The following TMEM144 variants were observed in gnomAD, a reference collection of about 807,000 sequenced individuals.
TMEM144 encodes the protein transmembrane protein 144.
A neutral mutation model predicts 43.6 loss-of-function variants in TMEM144; 39 were observed. The ratio of observed to expected loss-of-function variants is 0.90; its 90% CI spans 0.69 to 1.17. TMEM144 has a LOEUF of 1.17. Among genes scored for constraint, TMEM144 ranks in the 50% most tolerant of loss-of-function variants. The pLI, the probability that TMEM144 is intolerant of heterozygous loss-of-function variation, is 0.00. For synonymous variants in TMEM144, 154 were observed against 133.6 expected (o/e 1.15, Z -1.06); for missense variants, 417 against 411.9 (o/e 1.01, Z -0.11).
intron 4 of TMEM144, among the ~76,000 whole-genome samples, chr4:158,215,837 CA>C (rs1734194469): frequency 6.6e-6 from 1 of 152,136 alleles, no homozygotes; most frequent in African/African-American, 2.4e-5. Context: ...CTTGGCCAAT[CA>C]AGAAATGTTT....
At chr4:158,241,229 C>T (rs996523784) in intron 10 of TMEM144, among the ~76,000 whole-genome samples, 6 of 151,958 alleles carry the variant, frequency 3.9e-5, no homozygotes, top group Non-Finnish European at 7.4e-5. Flanking sequence ...CAGTATGTCC[C>T]CTAGTCCCCT....
chr4:158,239,249 A>T (rs1426897605), intron 9 of TMEM144, among the ~76,000 whole-genome samples: 1 of 152,218 alleles, frequency 6.6e-6, no homozygotes, highest in African/African-American at 2.4e-5. Context: ...GCAACAGACA[A>T]ACTCTCTGTC....
At chr4:158,246,720 A>T (rs1735909221) in intron 12 of TMEM144, among the ~76,000 whole-genome samples, 1 of 152,056 alleles carries the variant, frequency 6.6e-6, no homozygotes, top group African/African-American at 2.4e-5. Flanking sequence ...ACAAAAAAAG[A>T]TTTATTTATA....
intron 11 of TMEM144, among the ~76,000 whole-genome samples, chr4:158,243,546 G>A (rs1311381400): frequency 2.0e-5 from 3 of 152,042 alleles, no homozygotes; most frequent in East Asian, 1.9e-4. Context: ...CACCTAGCCC[G>A]CATTCCAATT....
intron 6 of TMEM144, among the ~76,000 whole-genome samples, chr4:158,229,791 G>A (rs1049144687): frequency 1.3e-5 from 2 of 152,222 alleles, no homozygotes; most frequent in Non-Finnish European, 2.9e-5. Context: ...GCCACAGACA[G>A]TGTGTTGGGC....
chr4:158,252,733 A>G (rs192662062), intron 12 of TMEM144, among the ~76,000 whole-genome samples: 18 of 150,532 alleles, frequency 1.2e-4, no homozygotes, highest in Admixed American at 8.0e-4. Flanking sequence ...ACCTGAACCC[A>G]GGAGGCGGAG....
intron 3 of TMEM144, 89 bp downstream of exon 3, chr4:158,212,865 A>G: frequency 9.6e-7 from 1 of 1,038,096 alleles, no homozygotes; most frequent in Non-Finnish European, 1.5e-6. Flanking sequence ...CTACAAAAAT[A>G]AATCATGTTG....
At chr4:158,223,044 CCTTA>C (rs1734583936) in intron 6 of TMEM144, among the ~76,000 whole-genome samples, 1 of 152,176 alleles carries the variant, frequency 6.6e-6, no homozygotes, top group Admixed American at 6.5e-5. Context: ...ATCACCTTCT[CCTTA>C]CTTACTGCCA....
intron 8 of TMEM144, among the ~76,000 whole-genome samples, chr4:158,236,778 C>T (rs1055436163): frequency 2.0e-5 from 3 of 151,856 alleles, no homozygotes; most frequent in African/African-American, 4.8e-5. Flanking sequence ...AAAGCCACCA[C>T]GCCTGGCCTG....
chr4:158,221,205 G>T (rs995735345), intron 6 of TMEM144, among the ~76,000 whole-genome samples: 1 of 152,072 alleles, frequency 6.6e-6, no homozygotes, highest in African/African-American at 2.4e-5. Context: ...AACAGGAGAG[G>T]ATTTAACACA....
chr4:158,248,754 C>A (rs968846539), intron 12 of TMEM144, among the ~76,000 whole-genome samples: 15 of 152,144 alleles, frequency 9.9e-5, no homozygotes, highest in Admixed American at 8.5e-4. Flanking sequence ...TAAAGCAGTC[C>A]TTGAAGACGC....
intron 11 of TMEM144, among the ~76,000 whole-genome samples, chr4:158,242,671 A>G (rs1735688223): frequency 6.6e-6 from 1 of 152,164 alleles, no homozygotes; most frequent in Non-Finnish European, 1.5e-5. Context: ...AAAAGCTAAA[A>G]AAAAAGAAAG....
intron 10 of TMEM144, among the ~76,000 whole-genome samples, chr4:158,240,912 T>C (rs1735602744): frequency 6.6e-6 from 1 of 152,196 alleles, no homozygotes; most frequent in Admixed American, 6.5e-5. Flanking sequence ...TTTTTAAAAA[T>C]CTCATTTAGG....
At chr4:158,252,298 C>T (rs901105277) in intron 12 of TMEM144, among the ~76,000 whole-genome samples, 16 of 152,290 alleles carry the variant, frequency 1.1e-4, no homozygotes, top group South Asian at 2.1e-4. Context: ...GCAAGTCCAA[C>T]GAAGTCATTC....
chr4:158,224,655 G>T (rs1013734599), intron 6 of TMEM144, among the ~76,000 whole-genome samples: 1 of 152,084 alleles, frequency 6.6e-6, no homozygotes, highest in Non-Finnish European at 1.5e-5. Flanking sequence ...AACAGCCTTC[G>T]GTCTGAGGAA....
chr4:158,219,974 T>C (rs1734431564), intron 6 of TMEM144, among the ~76,000 whole-genome samples: 3 of 152,230 alleles, frequency 2.0e-5, no homozygotes, highest in Non-Finnish European at 4.4e-5. Flanking sequence ...TTTGAATCTC[T>C]GTATGGCAGT....
At chr4:158,215,556 T>C (rs1325406110) in intron 4 of TMEM144, among the ~76,000 whole-genome samples, 3 of 152,210 alleles carry the variant, frequency 2.0e-5, no homozygotes, top group Non-Finnish European at 4.4e-5. Flanking sequence ...AAAATTATTA[T>C]AGTAAAAACA....
Position 158,235,429 on chromosome 4 carries a change from T to G in TMEM144, c.496-9T>G. The G allele has an allele frequency of 1.2e-6, 2 of 1,613,612 alleles. No homozygotes were observed. Among genetic ancestry groups the G allele is most frequent in the East Asian group, 4.5e-5 (2 of 44,870 alleles). On this transcript the variant is annotated splice_polypyrimidine_tract_variant and intron_variant, in intron 7 of 12. Transcript: ENST00000296529. ...CTTTTGTTTTAATTTGGGCCAATGT[T>G]TTCAATAGGTGATCAACACAACCCA...
At chr4:158,224,714 G>A (rs1390151073) in intron 6 of TMEM144, among the ~76,000 whole-genome samples, 3 of 152,166 alleles carry the variant, frequency 2.0e-5, no homozygotes, top group African/African-American at 7.2e-5. Context: ...AGGAAAATGA[G>A]TTCTGCGATG....
Sources: allele counts gnomAD v4.1 joint callset (sites outside exome capture counted in the v4.1 genomes callset), GRCh38; gene constraint gnomAD v4.1.1; transcripts MANE v1.5; gene names NCBI Gene and HGNC (gene_info 2026-07-23, HGNC 2026-07-21).